The following UTP4 variants were observed in gnomAD, a reference collection of about 807,000 sequenced individuals.
UTP4 encodes the protein UTP4 small subunit processome component.
In UTP4, 45 loss-of-function variants were observed where a neutral mutation model predicts 82.4. The observed-to-expected ratio is 0.55, with a 90% confidence interval of 0.43 to 0.70. The LOEUF is 0.70. Ranked by LOEUF, UTP4 falls within the 30% of genes least tolerant of loss-of-function variation. The probability of loss-of-function intolerance (pLI) is 0.00; values close to 1 mark genes in which losing one functional copy is unlikely to be tolerated. For missense variants in UTP4, 819 were observed against 858.3 expected (o/e 0.95, Z 0.57); for synonymous variants, 348 against 300.3 (o/e 1.16, Z -1.64).
intron 14 of UTP4, among the ~76,000 whole-genome samples, chr16:69,164,202 T>C (rs1222689238): frequency 6.6e-6 from 1 of 151,980 alleles, no homozygotes; most frequent in Non-Finnish European, 1.5e-5. Context: ...GTTTTTACAC[T>C]CACACATGCA....
intron 14 of UTP4, among the ~76,000 whole-genome samples, chr16:69,163,893 T>G (rs574739365): frequency 1.5e-4 from 23 of 149,132 alleles, no homozygotes; most frequent in Admixed American, 6.0e-4. Flanking sequence ...TGTTTTTTTT[T>G]TTTTTTTTTT....
At position 69,146,835 on chromosome 16, in the gene UTP4, A is replaced by C. The variant is rs568335651; in HGVS notation, c.738+3446A>C. 5.9e-5 allele frequency among the ~76,000 whole-genome samples: 9 copies of C among 151,326 alleles called. No homozygotes were observed. In the East Asian group the frequency reaches 1.7e-3, roughly 29 times the overall value. The stretch of plus-strand genomic sequence containing the variant: ...CATGGTGAAACCCCATCTCTACTAA[A>C]AAAAAAAAATACAAAAAATTAGCCG... On this transcript the variant is annotated intron_variant, in intron 6 of 16. Coordinates refer to ENST00000314423, the MANE Select transcript of UTP4 (RefSeq NM_032830.3).
At chr16:69,160,523 A>AAAAT in intron 13 of UTP4, 61 bp downstream of exon 13, 1 of 1,212,004 alleles carries the variant, frequency 8.3e-7, no homozygotes, top group Non-Finnish European at 1.2e-6. Context: ...TTCACCCTGC[A>AAAAT]GTTACAAGAT....
intron 5 of UTP4, among the ~76,000 whole-genome samples, chr16:69,140,519 C>G (rs1962930563): frequency 2.0e-5 from 3 of 152,098 alleles, no homozygotes; most frequent in Admixed American, 2.0e-4. Context: ...AGTTCAAGAC[C>G]AGCCTGACCA....
chr16:69,156,359 G>A (rs1474273756), intron 11 of UTP4, among the ~76,000 whole-genome samples: 2 of 151,186 alleles, frequency 1.3e-5, no homozygotes, highest in African/African-American at 4.9e-5. Flanking sequence ...TTCACCACCC[G>A]TTGGCCATGC....
rs201299923 is a variant in UTP4 at position 69,155,999 on chromosome 16, T to C, written c.1287+6T>C. 3.9e-4 allele frequency: 626 copies of C among 1,614,140 alleles called. No individual in the cohort carries two copies. Among genetic ancestry groups the C allele is most frequent in the Admixed American group, 1.3e-3 (76 of 60,014 alleles). ...ACAACATAAGCCTCAAAAGGGTAAGTGATAGTCCAATATCTGGTCACATAA... is the reference window on the plus strand; with the variant it reads ...ACAACATAAGCCTCAAAAGGGTAAGCGATAGTCCAATATCTGGTCACATAA... On this transcript the variant is annotated splice_donor_region_variant and intron_variant, in intron 11 of 16. Transcript: ENST00000314423.
At chr16:69,159,636 CGA>C (rs1176653387) in intron 12 of UTP4, among the ~76,000 whole-genome samples, 3 of 151,290 alleles carry the variant, frequency 2.0e-5, no homozygotes, top group African/African-American at 7.3e-5. Flanking sequence ...TGCAGTGAGC[CGA>C]GATTGCACCA....
At chr16:69,161,091 A>G (rs1963552103) in intron 13 of UTP4, among the ~76,000 whole-genome samples, 2 of 152,176 alleles carry the variant, frequency 1.3e-5, no homozygotes, top group Non-Finnish European at 2.9e-5. Context: ...TTTCGGGAGG[A>G]AAATTCTGAT....
intron 16 of UTP4, chr16:69,167,609 G>C (rs1028039743): frequency 2.1e-4 from 37 of 175,256 alleles, no homozygotes; most frequent in Non-Finnish European, 1.1e-4. Flanking sequence ...ACCAGCCTGG[G>C]CACCATGGTG....
intron 6 of UTP4, among the ~76,000 whole-genome samples, chr16:69,145,543 G>A (rs554358294): frequency 6.6e-6 from 1 of 151,684 alleles, no homozygotes; most frequent in Admixed American, 6.6e-5. Context: ...ATGAGCCACC[G>A]CCCCTGGCTT....
rs550525664 is a variant in UTP4 at position 69,137,909 on chromosome 16, G to A, written c.436+24G>A. ...AAGTAAGCGTCATTTTTCATGGGGC[G>A]GTAAATAGCCTTAACAAGAAATTAA... On this transcript the variant is annotated intron_variant, in intron 4 of 16. Transcript: ENST00000314423. The A allele has an allele frequency of 2.2e-5, 30 of 1,389,760 alleles. No homozygotes were observed. In the East Asian group the frequency reaches 4.6e-4, roughly 21 times the overall value. The allele number at this position is 1,389,760 out of a possible 1,614,324, so 86.1% of individuals were successfully genotyped here.
intron 2 of UTP4, among the ~76,000 whole-genome samples, chr16:69,136,003 T>C (rs1329153448): frequency 6.6e-6 from 1 of 152,212 alleles, no homozygotes; most frequent in Non-Finnish European, 1.5e-5. Flanking sequence ...CACTGCAGCC[T>C]GGGCAATAAG....
chr16:69,155,151 GGTTA>G (rs1963377812), intron 10 of UTP4, among the ~76,000 whole-genome samples: 1 of 151,978 alleles, frequency 6.6e-6, no homozygotes, highest in Non-Finnish European at 1.5e-5. Flanking sequence ...TTTTTTGTTT[GGTTA>G]GTTGGTTGGT....
chr16:69,136,938 T>C, intron 3 of UTP4, 51 bp downstream of exon 3: 1 of 1,469,356 alleles, frequency 6.8e-7, no homozygotes, highest in Non-Finnish European at 9.5e-7. Flanking sequence ...TCGTGCCTGC[T>C]CAGACTTTCT....
chr16:69,147,655 A>C (rs1280518377), intron 6 of UTP4, among the ~76,000 whole-genome samples: 3 of 152,188 alleles, frequency 2.0e-5, no homozygotes, highest in African/African-American at 7.2e-5. Context: ...GCATATACAT[A>C]ATGAGATATC....
At chr16:69,154,746 G>C (rs1433354619) in intron 10 of UTP4, among the ~76,000 whole-genome samples, 1 of 124,960 alleles carries the variant, frequency 8.0e-6, no homozygotes, top group Non-Finnish European at 1.8e-5. Context: ...ATTTATTTTT[G>C]AGACGGAGTT....
rs1223969035 is a variant in UTP4, at chr16:69,133,505, C to T, written c.46C>T (p.Pro16Ser). Residue 16 changes from proline (P) to serine (S), a missense_variant, in exon 2 of 17, where the codon CCA (proline) becomes TCA (serine). Pro to Ser is a moderately conservative substitution (Grantham distance 74, BLOSUM62 -1). Coordinates refer to ENST00000314423, the MANE Select transcript of UTP4 (RefSeq NM_032830.3). The part of the protein sequence containing the change: ...VHRVRFFNYV[P>S]SGIRCVAYNN... ...TCGAGTACGTTTCTTTAATTATGTT[C>T]CATCAGGAATCCGCTGTGTGGCTTA... 6.2e-7 allele frequency: 1 copy of T among 1,614,050 alleles called. No individual in the cohort carries two copies. The highest frequency in any genetic ancestry group is 8.5e-7 in the Non-Finnish European group (1 of 1,180,026).
intron 11 of UTP4, 87 bp downstream of exon 11, chr16:69,156,080 A>AC: frequency 7.5e-7 from 1 of 1,337,338 alleles, no homozygotes; most frequent in Non-Finnish European, 1.1e-6. Flanking sequence ...ACTGGATGTG[A>AC]ATCCTTGCTC....
At chr16:69,144,914 GA>G (rs1179456278) in intron 6 of UTP4, among the ~76,000 whole-genome samples, 1 of 152,134 alleles carries the variant, frequency 6.6e-6, no homozygotes, top group Non-Finnish European at 1.5e-5. Context: ...GGCCAAGGCG[GA>G]CGGATCACCT....
Sources: allele counts gnomAD v4.1 joint callset (sites outside exome capture counted in the v4.1 genomes callset), GRCh38; gene constraint gnomAD v4.1.1; transcripts MANE v1.5; gene names NCBI Gene and HGNC (gene_info 2026-07-23, HGNC 2026-07-21).